Variants in TXNRD2 observed in about 807,000 individuals in gnomAD.
The protein encoded by TXNRD2 is thioredoxin reductase 2.
In TXNRD2, 67 loss-of-function variants were observed where a neutral mutation model predicts 70.8. The ratio of observed to expected loss-of-function variants is 0.95; its 90% CI spans 0.78 to 1.16. The LOEUF (loss-of-function observed/expected upper bound fraction) is 1.16. Among genes scored for constraint, TXNRD2 ranks in the 50% most tolerant of loss-of-function variants. The probability of loss-of-function intolerance (pLI) is 0.00; values close to 1 mark genes in which losing one functional copy is unlikely to be tolerated. For missense variants in TXNRD2, 644 were observed against 719.9 expected, an observed-to-expected ratio of 0.89 and a Z score of 1.21; for synonymous variants, 301 against 295.8, an observed-to-expected ratio of 1.02 and a Z score of -0.18.
At position 19,920,566 on chromosome 22, in the gene TXNRD2, G is replaced by C. The variant is rs149835440; in HGVS notation, c.173-967C>G. On this transcript the variant is annotated intron_variant, in intron 2 of 17. Transcript: ENST00000400521. ...CCACTGTACTCCAGCCTGGGCGACA[G>C]AGCAAGACTCTGTCTCAAAAAAGAA... Among the ~76,000 whole-genome samples, 383 of 150,514 alleles carry C rather than the reference G, an allele frequency of 2.5e-3. 1 individual carries two copies. Among genetic ancestry groups the C allele is most frequent in the African/African-American group, 9.0e-3 (367 of 40,770 alleles).
intron 10 of TXNRD2, among the ~76,000 whole-genome samples, chr22:19,896,851 G>A (rs980269476): frequency 5.9e-5 from 9 of 152,146 alleles, no homozygotes; most frequent in African/African-American, 1.7e-4. Flanking sequence ...AGGGGCTGCC[G>A]CACAGGCTGT....
At chr22:19,909,705 CCACA>C (rs546231532) in intron 8 of TXNRD2, among the ~76,000 whole-genome samples, 1 of 134,196 alleles carries the variant, frequency 7.5e-6, no homozygotes, top group Non-Finnish European at 1.6e-5. Context: ...CTCACACACA[CCACA>C]CACACCACGC....
chr22:19,927,250 T>G (rs982469168), intron 2 of TXNRD2, among the ~76,000 whole-genome samples: 5 of 151,284 alleles, frequency 3.3e-5, no homozygotes, highest in African/African-American at 4.9e-5. Flanking sequence ...GCTGAGATTG[T>G]GCCATTGCAC....
chr22:19,879,033 C>T (rs1261988871), intron 14 of TXNRD2, among the ~76,000 whole-genome samples: 1 of 152,226 alleles, frequency 6.6e-6, no homozygotes, highest in Non-Finnish European at 1.5e-5. Flanking sequence ...GAATATTGTT[C>T]TAACTAAGAC....
In TXNRD2 at chr22:19,881,852, A is replaced by C. The variant is rs558799846; in HGVS notation, c.1087-1135T>G. 3.5e-3 allele frequency among the ~76,000 whole-genome samples: 534 copies of C among 152,380 alleles called. 3 individuals carry two copies. Among genetic ancestry groups the C allele is most frequent in the African/African-American group, 0.012 (505 of 41,596 alleles). ...ATCCAGCTAAGCAAGCTGGGGCTGC[A>C]GGGTGGCTGAGGCACATGGAGCCAC... On this transcript the variant is annotated intron_variant, in intron 12 of 17. Transcript: ENST00000400521.
At chr22:19,914,629 TC>T (rs1940553622) in intron 7 of TXNRD2, among the ~76,000 whole-genome samples, 2 of 152,126 alleles carry the variant, frequency 1.3e-5, no homozygotes, top group South Asian at 4.1e-4. Flanking sequence ...GGTGGTGGTT[TC>T]TAGGGGCTGG....
intron 1 of TXNRD2, among the ~76,000 whole-genome samples, chr22:19,940,332 T>C (rs1394383494): frequency 6.6e-6 from 1 of 151,502 alleles, no homozygotes; most frequent in Non-Finnish European, 1.5e-5. Flanking sequence ...TAAAAAACAG[T>C]TGCTCCTCTG....
At chr22:19,918,015 A>C (rs773592481) in intron 5 of TXNRD2, 128 bp downstream of exon 5, 21 of 798,008 alleles carry the variant, frequency 2.6e-5, no homozygotes, top group Non-Finnish European at 4.1e-5. Flanking sequence ...ATCCCCACCC[A>C]TGAGCAGGAC....
intron 8 of TXNRD2, 21 bp downstream of exon 8, chr22:19,911,356 C>T (rs200811055): frequency 1.0e-5 from 16 of 1,606,020 alleles, no homozygotes; most frequent in African/African-American, 5.4e-5. Flanking sequence ...GAGGACCCCA[C>T]CAAGCACGCG....
Position 19,903,056 on chromosome 22 carries a change from G to A in TXNRD2, c.663-3988C>T, listed in dbSNP as rs1388006754. 5.8e-5 allele frequency: 30 copies of A among 518,376 alleles called. No individual in the cohort carries two copies. In the East Asian group the frequency reaches 1.6e-3, roughly 27 times the overall value. The allele number at this position is 518,376 out of a possible 1,614,324, so 32.1% of individuals were successfully genotyped here. A position where few individuals can be genotyped will look rare whatever the true frequency, so the allele number is the denominator to read the frequency against. ...CCTCTTGGAGCCCCAGGAGTGCGAGGACAGACAGCAGCAGGCTGGTGGAGC... is the reference window on the plus strand; with the variant it reads ...CCTCTTGGAGCCCCAGGAGTGCGAGAACAGACAGCAGCAGGCTGGTGGAGC... On this transcript the variant is annotated intron_variant, in intron 8 of 17. Transcript: ENST00000400521.
At chr22:19,882,203 A>G (rs534072552) in intron 12 of TXNRD2, among the ~76,000 whole-genome samples, 1 of 152,032 alleles carries the variant, frequency 6.6e-6, no homozygotes, top group East Asian at 1.9e-4. Flanking sequence ...CCCAGCTGAC[A>G]CTTTCTGACA....
chr22:19,920,708 A>G (rs1940869674), intron 2 of TXNRD2, among the ~76,000 whole-genome samples: 1 of 152,260 alleles, frequency 6.6e-6, no homozygotes, highest in Non-Finnish European at 1.5e-5. Flanking sequence ...CCCAAGGCAC[A>G]CACAAATCTC....
chr22:19,907,262 G>A (rs1278793061), intron 8 of TXNRD2, among the ~76,000 whole-genome samples: 11 of 39,256 alleles, frequency 2.8e-4, no homozygotes, highest in Admixed American at 4.6e-4. Context: ...GGGCGCCGTG[G>A]GTAGCAGTGA....
chr22:19,908,967 G>A (rs1417164651), intron 8 of TXNRD2, among the ~76,000 whole-genome samples: 2 of 152,138 alleles, frequency 1.3e-5, no homozygotes, highest in African/African-American at 4.8e-5. Context: ...CACTTTGGAA[G>A]GCCAAGGCAG....
chr22:19,924,643 T>C (rs754286496), intron 2 of TXNRD2, among the ~76,000 whole-genome samples: 1 of 152,184 alleles, frequency 6.6e-6, no homozygotes, highest in Non-Finnish European at 1.5e-5. Context: ...AAAAATACAC[T>C]GGACGGGATT....
At chr22:19,878,222 G>A (rs757982437) in intron 15 of TXNRD2, 35 bp from the exon 16 acceptor site, 15 of 1,603,038 alleles carry the variant, frequency 9.4e-6, no homozygotes, top group East Asian at 2.2e-5. Flanking sequence ...CAGCCCAGGA[G>A]GGGGCTGGGT....
rs555384355 is a variant in TXNRD2, at chr22:19,932,334, G to A, written c.104-1236C>T. The A allele has an allele frequency of 1.7e-5, 27 of 1,612,574 alleles. No individual in the cohort carries two copies. In the East Asian group the frequency reaches 6.0e-4, roughly 36 times the overall value. ...GGTTTCATCCCTGGAATTCCTTTTG[G>A]GCTGGTTGTGGTGTCGCCTCACCTT... is the stretch of plus-strand genomic sequence containing the variant. On this transcript the variant is annotated intron_variant, in intron 1 of 17. Transcript: ENST00000400521.
In TXNRD2 at chr22:19,895,600, C is replaced by G; in HGVS notation, c.775-19G>C. The G allele has an allele frequency of 6.2e-7, 1 of 1,607,462 alleles. No homozygotes were observed. The highest frequency in any genetic ancestry group is 1.1e-5 in the South Asian group (1 of 91,086). On this transcript the variant is annotated intron_variant, in intron 10 of 17. Transcript: ENST00000400521. ...ACATTTGCTGCAAAGCACAAGAAGA[C>G]AGGCCATGAAGACCAGGTGGCCGTG...
intron 12 of TXNRD2, among the ~76,000 whole-genome samples, chr22:19,882,835 G>A (rs1007294832): frequency 1.3e-5 from 2 of 152,256 alleles, no homozygotes; most frequent in South Asian, 2.1e-4. Flanking sequence ...AGCAGCAGCA[G>A]CAGCTGAGAG....
Sources: gnomAD v4.1 joint callset for allele counts (sites outside exome capture counted in the v4.1 genomes callset) on GRCh38, gnomAD v4.1.1 for gene constraint, MANE v1.5 for transcripts, NCBI Gene and HGNC (gene_info 2026-07-23, HGNC 2026-07-21) for gene names.